Variants in NALF1 observed in about 807,000 individuals in gnomAD.
NALF1 encodes NALCN channel auxiliary factor 1, also known as family with sequence similarity 155 member A.
Under a neutral mutation model 48.4 loss-of-function variants are expected in NALF1, and 3 were observed. That is an observed-to-expected ratio of 0.06 (90% CI 0.03 to 0.16). NALF1 has a LOEUF of 0.16. NALF1 is among the 10% of genes least tolerant of loss of function. The probability of loss-of-function intolerance (pLI) is 1.00; values close to 1 mark genes in which losing one functional copy is unlikely to be tolerated. For missense variants in NALF1, 526 were observed against 571.5 expected, an observed-to-expected ratio of 0.92 and a Z score of 0.81; for synonymous variants, 262 against 245.7, an observed-to-expected ratio of 1.07 and a Z score of -0.62.
chr13:107,732,281 T>C (rs1387200580), intron 1 of NALF1, among the ~76,000 whole-genome samples: 1 of 152,130 alleles, frequency 6.6e-6, no homozygotes, highest in Non-Finnish European at 1.5e-5. Context: ...AATACTTATA[T>C]ATAAAACAAT....
chr13:107,809,869 G>A (rs935752376), intron 1 of NALF1, among the ~76,000 whole-genome samples: 16 of 151,864 alleles, frequency 1.1e-4, no homozygotes, highest in African/African-American at 3.9e-4. Flanking sequence ...TTTATCAACT[G>A]CATTCTGTCT....
intron 1 of NALF1, among the ~76,000 whole-genome samples, chr13:107,524,944 G>C (rs1320906813): frequency 6.7e-6 from 1 of 150,316 alleles, no homozygotes; most frequent in East Asian, 1.9e-4. Context: ...CTTGTTCTCA[G>C]AGAGAGAGAG....
chr13:107,500,405 C>T (rs1035242325), intron 1 of NALF1, among the ~76,000 whole-genome samples: 4 of 151,914 alleles, frequency 2.6e-5, no homozygotes, highest in East Asian at 3.9e-4. Context: ...CACAATGAGA[C>T]ACCATCTCAC....
chr13:107,532,880 A>G (rs1876687265), intron 1 of NALF1, among the ~76,000 whole-genome samples: 1 of 152,132 alleles, frequency 6.6e-6, no homozygotes, highest in Non-Finnish European at 1.5e-5. Flanking sequence ...AAGACAAAAT[A>G]TTGCCACCTA....
intron 1 of NALF1, among the ~76,000 whole-genome samples, chr13:107,599,902 T>C (rs1382440361): frequency 1.3e-5 from 2 of 152,180 alleles, no homozygotes; most frequent in Non-Finnish European, 2.9e-5. Flanking sequence ...ATATATCTAG[T>C]TGTGTACAAC....
intron 1 of NALF1, among the ~76,000 whole-genome samples, chr13:107,710,916 C>T (rs1024992574): frequency 2.6e-5 from 4 of 151,096 alleles, no homozygotes; most frequent in African/African-American, 7.3e-5. Context: ...TTAATATATA[C>T]ACACACACAA....
At chr13:107,369,156 T>C (rs1883204392) in intron 1 of NALF1, among the ~76,000 whole-genome samples, 1 of 152,212 alleles carries the variant, frequency 6.6e-6, no homozygotes, top group African/African-American at 2.4e-5. Flanking sequence ...TATCAGAGTA[T>C]GTATCAGATG....
rs1875166165 is a variant in NALF1 at position 107,492,314 on chromosome 13, G to T, written c.916-281559C>A. Among the ~76,000 whole-genome samples, 4 of 152,090 alleles carry T rather than the reference G, an allele frequency of 2.6e-5. No individual in the cohort carries two copies. In the Middle Eastern group the frequency reaches 0.014, roughly 517 times the overall value. On this transcript the variant is annotated intron_variant, in intron 1 of 2. Coordinates refer to ENST00000375915, the MANE Select transcript of NALF1 (RefSeq NM_001080396.3). ...TCAGCCCGCTTCGGCCTTCCAAAGT[G>T]CTGGGATTACAGGCATGAGCCACTG...
chr13:107,745,309 G>A (rs1461735361), intron 1 of NALF1, among the ~76,000 whole-genome samples: 4 of 152,104 alleles, frequency 2.6e-5, no homozygotes, highest in African/African-American at 9.7e-5. Context: ...CCAAGAAGGG[G>A]GACTGGTCTC....
chr13:107,276,921 T>C (rs913414183), intron 1 of NALF1, among the ~76,000 whole-genome samples: 2 of 152,180 alleles, frequency 1.3e-5, no homozygotes, highest in African/African-American at 4.8e-5. Context: ...CCCTAACAAG[T>C]CTATTTTCAT....
intron 1 of NALF1, among the ~76,000 whole-genome samples, chr13:107,493,641 G>T (rs1021089955): frequency 6.6e-6 from 1 of 152,102 alleles, no homozygotes; most frequent in Non-Finnish European, 1.5e-5. Context: ...CCCAGGGAGA[G>T]TAAGGCAGGA....
At chr13:107,489,039 A>C (rs1885374003) in intron 1 of NALF1, among the ~76,000 whole-genome samples, 1 of 152,162 alleles carries the variant, frequency 6.6e-6, no homozygotes, top group Admixed American at 6.5e-5. Context: ...CAAAAATAAT[A>C]AAATACGTAG....
Position 107,438,827 on chromosome 13 carries a change from C to CAAAAAAA in NALF1, c.916-228079_916-228073dup, listed in dbSNP as rs61686895. 7.1e-3 allele frequency among the ~76,000 whole-genome samples: 128 copies of CAAAAAAA among 17,946 alleles called. 28 individuals carry two copies. Among genetic ancestry groups the CAAAAAAA allele is most frequent in the African/African-American group, 0.016 (90 of 5,676 alleles). The allele number at this position is 17,946 out of a possible 152,430, so 11.8% of individuals were successfully genotyped here. A position where few individuals can be genotyped will look rare whatever the true frequency, so the allele number is the denominator to read the frequency against. ...TGGATGACAGAGTGAGACTCCATCT[C>CAAAAAAA]AAAAAAAAAAAAAAAAAAAAAAAAG... On this transcript the variant is annotated intron_variant, in intron 1 of 2. Coordinates refer to ENST00000375915, the MANE Select transcript of NALF1 (RefSeq NM_001080396.3).
At chr13:107,188,389 CAGGTAAAACAATA>C (rs1191138648) in intron 2 of NALF1, among the ~76,000 whole-genome samples, 1 of 151,696 alleles carries the variant, frequency 6.6e-6, no homozygotes, top group Non-Finnish European at 1.5e-5. Context: ...TATAATTTGG[CAGGTAAAACAATA>C]AGAGAGGCCA....
intron 1 of NALF1, among the ~76,000 whole-genome samples, chr13:107,298,542 T>C (rs979801279): frequency 6.6e-6 from 1 of 151,776 alleles, no homozygotes; most frequent in African/African-American, 2.4e-5. Context: ...AGTGATTCTC[T>C]TGTCTCAGCC....
At chr13:107,787,208 A>G (rs748876446) in intron 1 of NALF1, among the ~76,000 whole-genome samples, 1 of 152,164 alleles carries the variant, frequency 6.6e-6, no homozygotes, top group Non-Finnish European at 1.5e-5. Context: ...TTCTTTGTAC[A>G]CCCATAACAG....
chr13:107,700,302 A>T (rs1003350671), intron 1 of NALF1, among the ~76,000 whole-genome samples: 1 of 152,112 alleles, frequency 6.6e-6, no homozygotes, highest in African/African-American at 2.4e-5. Context: ...TCATAAAAAT[A>T]GAAACAAAAA....
chr13:107,589,642 G>A (rs1439007901), intron 1 of NALF1, among the ~76,000 whole-genome samples: 1 of 151,914 alleles, frequency 6.6e-6, no homozygotes, highest in Non-Finnish European at 1.5e-5. Context: ...TTTCATAAAA[G>A]TTAACATAAA....
rs1005059409 is a variant in NALF1 at position 107,606,838 on chromosome 13, T to C, written c.915+258844A>G. 2.0e-5 allele frequency among the ~76,000 whole-genome samples: 3 copies of C among 152,282 alleles called. No individual in the cohort carries two copies. In the East Asian group the frequency reaches 5.8e-4, roughly 29 times the overall value. On this transcript the variant is annotated intron_variant, in intron 1 of 2. Transcript: ENST00000375915. ...TTACTGAGGCACCAGTGATTTAGAGTACTTGAAAACAAAATCTATCTGTCC... is the reference window on the plus strand; with the variant it reads ...TTACTGAGGCACCAGTGATTTAGAGCACTTGAAAACAAAATCTATCTGTCC...
Sources: gnomAD v4.1 joint callset for allele counts (sites outside exome capture counted in the v4.1 genomes callset) on GRCh38, gnomAD v4.1.1 for gene constraint, MANE v1.5 for transcripts, NCBI Gene and HGNC (gene_info 2026-07-23, HGNC 2026-07-21) for gene names.